Variants in NENF observed in about 807,000 individuals in gnomAD.
NENF encodes the protein neudesin.
A neutral mutation model predicts 14.8 loss-of-function variants in NENF; 6 were observed. That is an observed-to-expected ratio of 0.40 (90% CI 0.22 to 0.80). The LOEUF is 0.80. NENF is among the 30% of genes least tolerant of loss of function. NENF has a pLI of 0.34. For missense variants in NENF, 184 were observed against 212.7 expected, an observed-to-expected ratio of 0.87 and a Z score of 0.84; for synonymous variants, 76 against 95.1, an observed-to-expected ratio of 0.80 and a Z score of 1.17.
At chr1:212,444,490 T>C in intron 3 of NENF, 48 bp downstream of exon 3, 1 of 1,264,970 alleles carries the variant, frequency 7.9e-7, no homozygotes, top group Non-Finnish European at 1.1e-6. Flanking sequence ...TCCTTGTCCA[T>C]GCCTTTTTCT....
Position 212,442,633 on chromosome 1 carries a change from G to T in NENF, c.238+8G>T. Reference sequence around the variant, plus strand: ...ATGTCACCTCCGGAAAGGGTAAGTGGTGTGGCATTTTGAATCTTCATTTCC... The same window carrying T: ...ATGTCACCTCCGGAAAGGGTAAGTGTTGTGGCATTTTGAATCTTCATTTCC... On this transcript the variant is annotated splice_region_variant and intron_variant, in intron 2 of 3. Transcript: ENST00000366988. The T allele has an allele frequency of 6.2e-7, 1 of 1,610,966 alleles. No homozygotes were observed. Among genetic ancestry groups the T allele is most frequent in the Non-Finnish European group, 8.5e-7 (1 of 1,177,150 alleles).
At chr1:212,435,273 A>G (rs1662585125) in intron 1 of NENF, among the ~76,000 whole-genome samples, 2 of 152,250 alleles carry the variant, frequency 1.3e-5, no homozygotes, top group Non-Finnish European at 2.9e-5. Flanking sequence ...ATCTATATCT[A>G]TACAGTTGAT....
At chr1:212,442,259 G>A (rs545874105) in intron 1 of NENF, among the ~76,000 whole-genome samples, 5 of 152,338 alleles carry the variant, frequency 3.3e-5, no homozygotes, top group Admixed American at 6.5e-5. Flanking sequence ...TGATCCGCCC[G>A]CCTTGGCCTC....
chr1:212,442,763 G>A, intron 2 of NENF, 138 bp downstream of exon 2: 4 of 572,590 alleles, frequency 7.0e-6, no homozygotes, highest in Non-Finnish European at 1.3e-5. Flanking sequence ...TATTTTTTGA[G>A]ACGGAGTTTC....
At chr1:212,442,743 T>C in intron 2 of NENF, 118 bp downstream of exon 2, 2 of 703,976 alleles carry the variant, frequency 2.8e-6, no homozygotes, top group South Asian at 1.7e-5. Context: ...CATTCCATTT[T>C]ATTTTATTTT....
rs1662552667 is a variant in NENF at position 212,433,383 on chromosome 1, C to T, written c.177+263C>T. Among the ~76,000 whole-genome samples, 1 of 152,116 alleles carries T rather than the reference C, an allele frequency of 6.6e-6. No homozygotes were observed. The highest frequency in any genetic ancestry group is 2.4e-5 in the African/African-American group (1 of 41,438). ...TTCTCCCTCGGTCCCCGGGAGATTT[C>T]CCCTCTAGCCGCCTTTTCGTTGATG... is the stretch of plus-strand genomic sequence containing the variant. On this transcript the variant is annotated intron_variant, in intron 1 of 3. Transcript: ENST00000366988. This position sits in a 1 kb window ranked among gnomAD's most constrained non-coding sequence, Gnocchi z 5.5.
intron 1 of NENF, among the ~76,000 whole-genome samples, chr1:212,439,688 CA>C (rs1218927992): frequency 0.011 from 667 of 60,922 alleles, 3 homozygotes; most frequent in Middle Eastern, 0.045. Flanking sequence ...ACTAAATATA[CA>C]AAAAAAAAAA....
intron 3 of NENF, among the ~76,000 whole-genome samples, chr1:212,444,903 G>A (rs1662756196): frequency 6.6e-6 from 1 of 152,108 alleles, no homozygotes; most frequent in Admixed American, 6.5e-5. Context: ...GATGAACTGG[G>A]TTGGGAAGAA....
chr1:212,438,514 A>G (rs1296590190), intron 1 of NENF, among the ~76,000 whole-genome samples: 1 of 152,056 alleles, frequency 6.6e-6, no homozygotes, highest in Non-Finnish European at 1.5e-5. Context: ...CTGCCTTACA[A>G]GATTATTTTA....
At position 212,437,260 on chromosome 1, in the gene NENF, T is replaced by TACG. The variant is rs1374619147; in HGVS notation, c.177+4141_177+4143dup. On this transcript the variant is annotated intron_variant, in intron 1 of 3. Coordinates refer to ENST00000366988, the MANE Select transcript of NENF (RefSeq NM_013349.5). ...AACCTTGTTGGAGCTGCTATGAGTC[T>TACG]ACGTTAGTCTTTATCCCATTTACTG... Among the ~76,000 whole-genome samples the TACG allele has an allele frequency of 2.0e-5, 3 of 152,328 alleles. No individual in the cohort carries two copies. The East Asian group carries it at 5.8e-4, about 29-fold the overall frequency.
chr1:212,444,549 GTGTGTGTGTGTGTGTGTGTA>G (rs1240160583), intron 3 of NENF, 107 bp downstream of exon 3: 5,453 of 498,670 alleles, frequency 0.011, 54 homozygotes, highest in Non-Finnish European at 0.014. Flanking sequence ...GTGTGTGTGT[GTGTGTGTGTGTGTGTGTGTA>G]TCTGGGCAAG....
chr1:212,434,429 C>T (rs1280732827), intron 1 of NENF, among the ~76,000 whole-genome samples: 1 of 152,158 alleles, frequency 6.6e-6, no homozygotes, highest in Non-Finnish European at 1.5e-5. Context: ...TAGTATTGAA[C>T]ACTGTATATG....
chr1:212,441,720 A>G (rs1035693431), intron 1 of NENF, among the ~76,000 whole-genome samples: 2 of 151,998 alleles, frequency 1.3e-5, no homozygotes, highest in African/African-American at 4.8e-5. Context: ...CGGAAGGTGG[A>G]GGTTGCAGTG....
intron 1 of NENF, 116 bp from the exon 2 acceptor site, chr1:212,442,449 T>C: frequency 1.2e-6 from 1 of 812,052 alleles, no homozygotes; most frequent in Non-Finnish European, 2.1e-6. Context: ...ACAGAAAGCC[T>C]TTGGGACTTG....
chr1:212,439,085 A>G (rs925595602), intron 1 of NENF, among the ~76,000 whole-genome samples: 4 of 152,160 alleles, frequency 2.6e-5, no homozygotes, highest in Non-Finnish European at 4.4e-5. Flanking sequence ...GTTTACTGAT[A>G]AGACCATTCC....
chr1:212,444,518 C>CGT (rs57220444), intron 3 of NENF, 76 bp downstream of exon 3: 8,960 of 496,984 alleles, frequency 0.018, 188 homozygotes, highest in African/African-American at 0.02. Context: ...TTTTTCTTTT[C>CGT]GTGTGTGTGT....
intron 1 of NENF, among the ~76,000 whole-genome samples, chr1:212,441,716 G>A (rs1002050401): frequency 4.6e-5 from 7 of 152,098 alleles, no homozygotes; most frequent in Admixed American, 6.5e-5. Context: ...AACCCGGAAG[G>A]TGGAGGTTGC....
At chr1:212,445,628 C>T (rs950825177) in intron 3 of NENF, among the ~76,000 whole-genome samples, 1 of 152,262 alleles carries the variant, frequency 6.6e-6, no homozygotes, top group Middle Eastern at 3.4e-3. Flanking sequence ...TGAAGCATTG[C>T]TCCCCGTATG....
At chr1:212,434,691 A>T (rs1222734306) in intron 1 of NENF, 2 of 152,186 alleles carry the variant, frequency 1.3e-5, no homozygotes, top group Non-Finnish European at 2.9e-5. Flanking sequence ...GGGTTCTTGG[A>T]ATCTTCCTTC....
Sources: allele counts gnomAD v4.1 joint callset (sites outside exome capture counted in the v4.1 genomes callset), GRCh38; gene constraint gnomAD v4.1.1; non-coding constraint Gnocchi (gnomAD v3.1); transcripts MANE v1.5; gene names NCBI Gene and HGNC (gene_info 2026-07-23, HGNC 2026-07-21).